ANGPT4: variants seen among roughly 807,000 people sequenced by gnomAD.
ANGPT4 encodes angiopoietin-4.
In ANGPT4, 50 loss-of-function variants were observed where a neutral mutation model predicts 53.0. That is an observed-to-expected ratio of 0.94 (90% CI 0.75 to 1.20). The LOEUF (loss-of-function observed/expected upper bound fraction) is 1.20, where lower values mean the gene tolerates loss of function less well. Ranked by LOEUF, ANGPT4 falls within the 50% of genes most tolerant of loss-of-function variation. The pLI is 0.00. For synonymous variants in ANGPT4, 251 were observed against 259.7 expected (o/e 0.97, Z 0.32); for missense variants, 648 against 637.1 (o/e 1.02, Z -0.18).
intron 6 of ANGPT4, among the ~76,000 whole-genome samples, 153 bp downstream of exon 6, chr20:879,594 A>G (rs1422364371): frequency 6.6e-6 from 1 of 152,210 alleles, no homozygotes; most frequent in East Asian, 1.9e-4. Flanking sequence ...AATTCAGGTG[A>G]TGGGGTCCCA....
intron 7 of ANGPT4, among the ~76,000 whole-genome samples, chr20:875,568 C>G (rs6077300): frequency 0.12 from 18,585 of 152,190 alleles, 1,299 homozygotes; most frequent in South Asian, 0.23. Flanking sequence ...GCTCACCCCA[C>G]TGAGCCTCAG....
At chr20:878,053 C>T in intron 7 of ANGPT4, 108 bp downstream of exon 7, 1 of 1,288,400 alleles carries the variant, frequency 7.8e-7, no homozygotes, top group Non-Finnish European at 1.1e-6. Context: ...CAGGAGACAC[C>T]CAGAGACTGA....
At chr20:873,192 G>T (rs1981016983) in intron 8 of ANGPT4, 72 bp from the exon 9 acceptor site, 1 of 1,448,824 alleles carries the variant, frequency 6.9e-7, no homozygotes, top group South Asian at 1.2e-5. Context: ...CAGCCCCTGT[G>T]TCCCAAAGAG....
intron 1 of ANGPT4, among the ~76,000 whole-genome samples, chr20:903,101 A>C (rs1047008093): frequency 6.6e-6 from 1 of 152,136 alleles, no homozygotes; most frequent in African/African-American, 2.4e-5. Flanking sequence ...CACCCAGGGT[A>C]CGACCCAGGC....
At position 890,201 on chromosome 20, in the gene ANGPT4, A is replaced by G. The variant is rs771357200; in HGVS notation, c.465+12T>C. 3 of 1,611,062 alleles carry G rather than the reference A, an allele frequency of 1.9e-6. No individual in the cohort carries two copies. In the African/African-American group the frequency reaches 4.0e-5, roughly 22 times the overall value. ...ACAGGCCCTCAGTGCCCACTCAGTC[A>G]CCCTCTGTTACCTGAGCCTCCATGT... On this transcript the variant is annotated intron_variant, in intron 2 of 8. Transcript: ENST00000381922.
intron 1 of ANGPT4, among the ~76,000 whole-genome samples, chr20:895,834 C>T (rs1982025467): frequency 6.8e-6 from 1 of 147,464 alleles, no homozygotes; most frequent in Non-Finnish European, 1.5e-5. Flanking sequence ...CTGTAGGAGT[C>T]TATTTGTATG....
rs1982569205 is a variant in ANGPT4 at position 908,505 on chromosome 20, CT to C, written c.309+7400del. On this transcript the variant is annotated intron_variant, in intron 1 of 8. Coordinates refer to ENST00000381922, the MANE Select transcript of ANGPT4 (RefSeq NM_015985.4). This position sits in a 1 kb window ranked among gnomAD's most constrained non-coding sequence, Gnocchi z 4.9. ...AAGGTCAGGCACCCATTATCCACCC[CT>C]AGCATCTCTCGGTCCCTCCTTCATG... Among the ~76,000 whole-genome samples, 1 of 152,180 alleles carries C rather than the reference CT, an allele frequency of 6.6e-6. No homozygotes were observed. Among genetic ancestry groups the C allele is most frequent in the African/African-American group, 2.4e-5 (1 of 41,446 alleles).
intron 3 of ANGPT4, 129 bp from the exon 4 acceptor site, chr20:885,454 CCACTGTAGG>C (rs1981585475): frequency 7.6e-7 from 1 of 1,321,954 alleles, no homozygotes; most frequent in Non-Finnish European, 1.0e-6. Context: ...CGTCCTGTGC[CCACTGTAGG>C]CACAGATTGA....
At chr20:897,091 A>T (rs1362408087) in intron 1 of ANGPT4, among the ~76,000 whole-genome samples, 3 of 151,992 alleles carry the variant, frequency 2.0e-5, no homozygotes, top group Non-Finnish European at 4.4e-5. Flanking sequence ...CTTTAACTGT[A>T]ATTTTCCACT....
At chr20:874,561 G>T in intron 7 of ANGPT4, 147 bp from the exon 8 acceptor site, 1 of 1,168,790 alleles carries the variant, frequency 8.6e-7, no homozygotes. Flanking sequence ...TGGGTGGAGT[G>T]CTTGGGCTGT....
intron 1 of ANGPT4, among the ~76,000 whole-genome samples, chr20:901,854 G>A (rs553670535): frequency 2.0e-5 from 3 of 152,348 alleles, no homozygotes; most frequent in East Asian, 3.9e-4. Flanking sequence ...GGTGGTTGCA[G>A]TGAGCTCTGA....
intron 7 of ANGPT4, among the ~76,000 whole-genome samples, chr20:877,154 G>T (rs1462668776): frequency 6.6e-6 from 1 of 152,258 alleles, no homozygotes; most frequent in Non-Finnish European, 1.5e-5. Flanking sequence ...GTGGAATCAG[G>T]CATAAAGTTC....
chr20:874,064 G>A (rs1981060329), intron 8 of ANGPT4, among the ~76,000 whole-genome samples: 1 of 152,156 alleles, frequency 6.6e-6, no homozygotes, highest in Admixed American at 6.5e-5. Flanking sequence ...AACTGGTGGT[G>A]CCAGCTTTAG....
At chr20:883,421 C>T (rs1981485321) in intron 4 of ANGPT4, among the ~76,000 whole-genome samples, 1 of 152,236 alleles carries the variant, frequency 6.6e-6, no homozygotes, top group Non-Finnish European at 1.5e-5. Flanking sequence ...TGACTCTCTT[C>T]TCCTTTCACT....
At chr20:892,442 A>G (rs1451811525) in intron 1 of ANGPT4, among the ~76,000 whole-genome samples, 1 of 152,054 alleles carries the variant, frequency 6.6e-6, no homozygotes, top group Non-Finnish European at 1.5e-5. Context: ...CTAAAAATAC[A>G]AAAATTAGCC....
chr20:915,082 C>T (rs1022165812), intron 1 of ANGPT4, among the ~76,000 whole-genome samples: 2 of 152,204 alleles, frequency 1.3e-5, no homozygotes, highest in Non-Finnish European at 2.9e-5. Context: ...ATGGCTGCAG[C>T]GGCCACCTCT....
rs1981537580 is a variant in ANGPT4, at chr20:884,654, C to T, written c.835+424G>A. ...CAGGGGCATTAAGATGAGAGAGGTC[C>T]TTGGGGTGCATTGAGTCTAACCTCC... On this transcript the variant is annotated intron_variant, in intron 4 of 8. Transcript: ENST00000381922. Among the ~76,000 whole-genome samples, 3 of 152,010 alleles carry T rather than the reference C, an allele frequency of 2.0e-5. No individual in the cohort carries two copies. In the South Asian group the frequency reaches 6.2e-4, roughly 32 times the overall value.
rs1365799158 is a variant in ANGPT4, at chr20:872,998, G to A, written c.1474C>T (p.Arg492Cys). Residue 492 changes from arginine (R) to cysteine (C), a missense_variant, in exon 9 of 9, where the codon CGT becomes TGT. Transcript: ENST00000381922. ...GGCCGTATCATCATGCGAGAGGCACGCAGTGAGTAGCTGGGGCCCTTGAAG... is the reference window on the plus strand; with the variant it reads ...GGCCGTATCATCATGCGAGAGGCACACAGTGAGTAGCTGGGGCCCTTGAAG... ...HYFKGPSYSL[R>C]ASRMMIRPLD... 3.7e-6 allele frequency: 6 copies of A among 1,614,086 alleles called. 1 individual carries two copies. The highest frequency in any genetic ancestry group is 5.1e-6 in the Non-Finnish European group (6 of 1,180,020).
In ANGPT4 at chr20:881,346, A is replaced by G. The variant is rs1334520549; in HGVS notation, c.836-60T>C. The G allele has an allele frequency of 1.2e-5, 18 of 1,479,920 alleles. No homozygotes were observed. In the Admixed American group the frequency reaches 2.1e-4, roughly 17 times the overall value. 91.7% of individuals were successfully genotyped at this position (1,479,920 alleles called of 1,614,324 possible). A position where few individuals can be genotyped will look rare whatever the true frequency, so the allele number is the denominator to read the frequency against. On this transcript the variant is annotated intron_variant, in intron 4 of 8. Transcript: ENST00000381922. The stretch of plus-strand genomic sequence containing the variant: ...GGGCAAGGAAAGAGAGAAGGGGCCA[A>G]GTGGGCATGCCTGCCTGCTTTGTGC...
Sources: allele counts gnomAD v4.1 joint callset (sites outside exome capture counted in the v4.1 genomes callset), GRCh38; gene constraint gnomAD v4.1.1; non-coding constraint Gnocchi (gnomAD v3.1); transcripts MANE v1.5; gene names NCBI Gene and HGNC (gene_info 2026-07-23, HGNC 2026-07-21).